CEMIP2: variants seen among roughly 807,000 people sequenced by gnomAD.
CEMIP2 encodes the protein cell migration inducing hyaluronidase 2.
CEMIP2 carries 79 observed loss-of-function variants against 146.9 expected under a neutral mutation model. The observed-to-expected ratio is 0.54, with a 90% CI of 0.45 to 0.65. The LOEUF is 0.65. Among genes scored for constraint, CEMIP2 ranks in the 30% least tolerant of loss-of-function variants. The pLI is 0.00. For missense variants in CEMIP2, 1,596 were observed against 1,696.2 expected (o/e 0.94, Z 1.04); for synonymous variants, 601 against 606.3 (o/e 0.99, Z 0.13).
Position 71,685,787 on chromosome 9 carries a change from AGT to A in CEMIP2, c.3909_3910del (p.Leu1303PhefsTer14). Reference sequence around the variant, plus strand: ...TGGTTTGGCTAATCCCAGAGGTACTAGTAAGTGTGAAATGTTTAACTGCTTTA... The same window carrying A: ...TGGTTTGGCTAATCCCAGAGGTACTAAAGTGTGAAATGTTTAACTGCTTTA... On this transcript the variant is annotated frameshift_variant, in exon 23 of 24. Transcript: ENST00000377044. LOFTEE classifies it high-confidence loss of function. 1 of 1,614,126 alleles carries A rather than the reference AGT, an allele frequency of 6.2e-7. No individual in the cohort carries two copies. The highest frequency in any genetic ancestry group is 8.5e-7 in the Non-Finnish European group (1 of 1,179,990).
At chr9:71,763,518 G>A (rs898189920) in intron 1 of CEMIP2, among the ~76,000 whole-genome samples, 2 of 152,130 alleles carry the variant, frequency 1.3e-5, no homozygotes, top group East Asian at 1.9e-4. Flanking sequence ...CAGTGGTAAA[G>A]CCTTATTAAA....
At chr9:71,756,680 A>C (rs1380953807) in intron 1 of CEMIP2, among the ~76,000 whole-genome samples, 2 of 152,138 alleles carry the variant, frequency 1.3e-5, no homozygotes, top group Non-Finnish European at 2.9e-5. Flanking sequence ...TACTACTTAA[A>C]GCAAAAAAAG....
chr9:71,702,321 C>T (rs942374806), intron 18 of CEMIP2, among the ~76,000 whole-genome samples: 1 of 147,200 alleles, frequency 6.8e-6, no homozygotes, highest in Admixed American at 6.8e-5. Flanking sequence ...AATAACCCCA[C>T]TAAAGAATAA....
chr9:71,728,273 A>ATG (rs1554684705), intron 10 of CEMIP2, among the ~76,000 whole-genome samples: 1 of 9,612 alleles, frequency 1.0e-4, no homozygotes, highest in African/African-American at 2.0e-4. Flanking sequence ...ATATATATAT[A>ATG]TATATATGTA....
chr9:71,722,634 A>T lies in CEMIP2; in HGVS notation c.2179-119T>A, dbSNP rs1466112941. On this transcript the variant is annotated intron_variant, in intron 11 of 23. Transcript: ENST00000377044. ...TTCTACCAAAAAAAGTGGGGCAGGG[A>T]ATCAACAGCAAAGGTACTGTAAAAA... 4.4e-6 allele frequency: 3 copies of T among 685,780 alleles called. 1 individual carries two copies. The highest frequency in any genetic ancestry group is 7.1e-6 in the Non-Finnish European group (3 of 423,566). 42.5% of individuals were successfully genotyped at this position (685,780 alleles called of 1,614,324 possible).
intron 18 of CEMIP2, among the ~76,000 whole-genome samples, chr9:71,701,778 T>C (rs1402979181): frequency 6.6e-6 from 1 of 152,196 alleles, no homozygotes; most frequent in Non-Finnish European, 1.5e-5. Flanking sequence ...TTTATCATTT[T>C]CTCTCTTTTT....
chr9:71,728,223 C>CTA (rs1349642702), intron 10 of CEMIP2, among the ~76,000 whole-genome samples: 16 of 22,222 alleles, frequency 7.2e-4, no homozygotes, highest in East Asian at 1.8e-3. Context: ...CTCTCTCTCT[C>CTA]TCTCTCTCTA....
Position 71,685,764 on chromosome 9 carries a change from G to GTA in CEMIP2, c.3933_3934insTA (p.Pro1312TyrfsTer66). On this transcript the variant is annotated frameshift_variant, in exon 23 of 24. Coordinates refer to ENST00000377044, the MANE Select transcript of CEMIP2 (RefSeq NM_013390.3). LOFTEE classifies it high-confidence loss of function. Reference sequence around the variant, plus strand: ...AAACCTTTGTCATAAAGATGAGCTGGTTTGGCTAATCCCAGAGGTACTAGT... The same window carrying GTA: ...AAACCTTTGTCATAAAGATGAGCTGGTATTTGGCTAATCCCAGAGGTACTAGT... The GTA allele has an allele frequency of 2.5e-6, 4 of 1,613,772 alleles. No individual in the cohort carries two copies. In the South Asian group the frequency reaches 4.4e-5, roughly 18 times the overall value.
intron 17 of CEMIP2, among the ~76,000 whole-genome samples, chr9:71,706,568 C>T (rs956485301): frequency 2.6e-5 from 4 of 152,146 alleles, no homozygotes; most frequent in Non-Finnish European, 5.9e-5. Context: ...GGACTGAATG[C>T]TTTACTGAGT....
Position 71,700,834 on chromosome 9 carries a change from A to C in CEMIP2, c.3195-10T>G. On this transcript the variant is annotated splice_polypyrimidine_tract_variant and intron_variant, in intron 18 of 23. Transcript: ENST00000377044. ...TCGAATCCAGTCATTCCTTTAAAGG[A>C]GAAACATAAAAAAATTAGTTTACAC... is the stretch of plus-strand genomic sequence containing the variant. The C allele has an allele frequency of 6.3e-7, 1 of 1,596,308 alleles. No individual in the cohort carries two copies. Among genetic ancestry groups the C allele is most frequent in the Non-Finnish European group, 8.5e-7 (1 of 1,173,864 alleles).
At chr9:71,748,411 A>G (rs568161049) in intron 2 of CEMIP2, among the ~76,000 whole-genome samples, 1 of 152,338 alleles carries the variant, frequency 6.6e-6, no homozygotes, top group Admixed American at 6.5e-5. Flanking sequence ...ATATTTCAGC[A>G]TACCAGATCT....
At position 71,700,210 on chromosome 9, in the gene CEMIP2, A is replaced by G. The variant is rs1822520875; in HGVS notation, c.3377+432T>C. On this transcript the variant is annotated intron_variant, in intron 19 of 23. Coordinates refer to ENST00000377044, the MANE Select transcript of CEMIP2 (RefSeq NM_013390.3). ...ATGCAGCCTAGAGAAAGTTGAAAGC[A>G]AATATTCCACAGTTACACAGTGATT... Among the ~76,000 whole-genome samples, 5 of 152,228 alleles carry G rather than the reference A, an allele frequency of 3.3e-5. No homozygotes were observed. In the South Asian group the frequency reaches 1.0e-3, roughly 31 times the overall value.
At chr9:71,700,581 A>C in intron 19 of CEMIP2, 61 bp downstream of exon 19, 2 of 1,502,246 alleles carry the variant, frequency 1.3e-6, no homozygotes, top group South Asian at 2.7e-5. Context: ...CTGAAGAACT[A>C]GCAATTTCAC....
chr9:71,735,116 T>G (rs2274699), intron 5 of CEMIP2, 122 bp from the exon 6 acceptor site: 95,739 of 1,135,274 alleles, frequency 0.084, 4,693 homozygotes, highest in South Asian at 0.19. Context: ...TTCAGCAAAT[T>G]TTTACGCATG....
intron 22 of CEMIP2, among the ~76,000 whole-genome samples, chr9:71,687,851 T>G (rs898735587): frequency 7.2e-5 from 11 of 151,826 alleles, no homozygotes; most frequent in African/African-American, 2.7e-4. Flanking sequence ...GGGCAACTAT[T>G]TTTGTTTTCT....
intron 5 of CEMIP2, among the ~76,000 whole-genome samples, chr9:71,738,697 G>A (rs1793115877): frequency 6.6e-6 from 1 of 152,048 alleles, no homozygotes; most frequent in South Asian, 2.1e-4. Context: ...AATTAGCCAG[G>A]CATGGTGGTG....
chr9:71,730,423 C>G (rs1043648580), intron 8 of CEMIP2, among the ~76,000 whole-genome samples, 170 bp from the exon 9 acceptor site: 15 of 152,076 alleles, frequency 9.9e-5, no homozygotes, highest in African/African-American at 2.7e-4. Context: ...AGGGGATAAT[C>G]TGCTTGGGTC....
At chr9:71,702,271 A>AT (rs1380272724) in intron 18 of CEMIP2, among the ~76,000 whole-genome samples, 1 of 151,296 alleles carries the variant, frequency 6.6e-6, no homozygotes, top group African/African-American at 2.4e-5. Context: ...GAAAAAAAAA[A>AT]AAAAAAAAAT....
intron 5 of CEMIP2, among the ~76,000 whole-genome samples, chr9:71,738,582 G>A (rs1398942929): frequency 1.3e-5 from 2 of 151,804 alleles, no homozygotes; most frequent in Non-Finnish European, 2.9e-5. Flanking sequence ...GCTCACGCCT[G>A]TAATCCCAGT....
Sources: gnomAD v4.1 joint callset for allele counts (sites outside exome capture counted in the v4.1 genomes callset) on GRCh38, gnomAD v4.1.1 for gene constraint, MANE v1.5 for transcripts, NCBI Gene and HGNC (gene_info 2026-07-23, HGNC 2026-07-21) for gene names.